PRXL2C: variants seen among roughly 807,000 people sequenced by gnomAD.
PRXL2C encodes peroxiredoxin-like 2C.
PRXL2C carries 38 observed loss-of-function variants against 24.9 expected under a neutral mutation model. The ratio of observed to expected loss-of-function variants is 1.53; its 90% CI spans 1.18 to 2.00. The LOEUF is 2.00. Ranked by LOEUF, PRXL2C falls within the 30% of genes most tolerant of loss-of-function variation. The probability of loss-of-function intolerance (pLI) is 0.00; values close to 1 mark genes in which losing one functional copy is unlikely to be tolerated. For synonymous variants in PRXL2C, 98 were observed against 117.2 expected (o/e 0.84, Z 1.06); for missense variants, 294 against 290.9 (o/e 1.01, Z -0.08).
At chr9:96,654,900 G>C (rs1201369315) in intron 1 of PRXL2C, 127 bp from the exon 2 acceptor site, 10 of 1,215,322 alleles carry the variant, frequency 8.2e-6, no homozygotes, top group African/African-American at 1.6e-5. Flanking sequence ...CCGGCGGCTC[G>C]GGCGCCCGGC....
At chr9:96,653,653 C>T (rs1848306327) in intron 2 of PRXL2C, among the ~76,000 whole-genome samples, 1 of 152,132 alleles carries the variant, frequency 6.6e-6, no homozygotes, top group South Asian at 2.1e-4. Flanking sequence ...AATCATTCCA[C>T]AACGTAAATG....
intron 5 of PRXL2C, among the ~76,000 whole-genome samples, chr9:96,642,184 TCAGA>T (rs1848126410): frequency 6.6e-6 from 1 of 152,092 alleles, no homozygotes; most frequent in South Asian, 2.1e-4. Context: ...AAATGTCCTG[TCAGA>T]CGGGCAGAAT....
Position 96,654,611 on chromosome 9 carries a change from G to C in PRXL2C, c.261+94C>G, listed in dbSNP as rs1389827003. 5 of 1,160,592 alleles carry C rather than the reference G, an allele frequency of 4.3e-6. No homozygotes were observed. The African/African-American group carries it at 7.8e-5, about 18-fold the overall frequency. 71.9% of individuals were successfully genotyped at this position (1,160,592 alleles called of 1,614,324 possible). A position where few individuals can be genotyped will look rare whatever the true frequency, so the allele number is the denominator to read the frequency against. On this transcript the variant is annotated intron_variant, in intron 2 of 5. Transcript: ENST00000375234. ...GAGAGCTGCGGGGAGGGGCAATCCA[G>C]GCTGCAAGTTCCGCGCTGGAGCCGC...
rs186772644 is a variant in PRXL2C, at chr9:96,644,062, G to A, written c.553+1831C>T. ...GCAGGAAAATCGCTTGATCCCGGGAGGCGGAGGTTGTAGTGAGCCGAGATT... is the reference window on the plus strand; with the variant it reads ...GCAGGAAAATCGCTTGATCCCGGGAAGCGGAGGTTGTAGTGAGCCGAGATT... On this transcript the variant is annotated intron_variant, in intron 5 of 5. Coordinates refer to ENST00000375234, the MANE Select transcript of PRXL2C (RefSeq NM_153698.2). Among the ~76,000 whole-genome samples the A allele has an allele frequency of 3.4e-3, 520 of 151,290 alleles. 10 individuals carry two copies. The highest frequency in any genetic ancestry group is 0.031 in the Admixed American group (465 of 15,168).
chr9:96,654,764 A>C lies in PRXL2C; in HGVS notation c.202T>G (p.Cys68Gly). 1.3e-6 allele frequency: 2 copies of C among 1,563,618 alleles called. No homozygotes were observed. The highest frequency in any genetic ancestry group is 1.7e-6 in the Non-Finnish European group (2 of 1,152,722). ...AVVVFVRHFLCYICKEYVEDL... is the reference protein window; with the variant it reads ...AVVVFVRHFLGYICKEYVEDL... ...TCTACGTATTCCTTGCAGATGTAAC[A>C]CAGGAAATGCTGAAAGCCAAAACGG... Residue 68 changes from cysteine (C) to glycine (G), a missense_variant, in exon 2 of 6, where the codon TGT (cysteine) becomes GGT (glycine). By Grantham distance (159) the Cys-to-Gly change is radical. Transcript: ENST00000375234.
intron 5 of PRXL2C, among the ~76,000 whole-genome samples, chr9:96,642,217 T>C (rs1459599862): frequency 1.3e-5 from 2 of 152,114 alleles, no homozygotes; most frequent in Non-Finnish European, 2.9e-5. Flanking sequence ...CACATAGATA[T>C]CAAGCTGGAA....
rs1045122076 is a variant in PRXL2C at position 96,641,685 on chromosome 9, C to T, written c.*74G>A. The T allele has an allele frequency of 2.4e-5, 34 of 1,431,256 alleles. No individual in the cohort carries two copies. Among genetic ancestry groups the T allele is most frequent in the Admixed American group, 1.2e-4 (6 of 51,342 alleles). 88.7% of individuals were successfully genotyped at this position (1,431,256 alleles called of 1,614,324 possible). A position where few individuals can be genotyped will look rare whatever the true frequency, so the allele number is the denominator to read the frequency against. On this transcript the variant is annotated 3_prime_UTR_variant, in exon 6 of 6. Coordinates refer to ENST00000375234, the MANE Select transcript of PRXL2C (RefSeq NM_153698.2). ...AAGGGACAGCAGGTTAGACACTGCA[C>T]GAGGATATTACACCCAGGCATTGAA...
rs1848115450 is a variant in PRXL2C, at chr9:96,641,537, G to A, written c.*222C>T. 3 of 342,598 alleles carry A rather than the reference G, an allele frequency of 8.8e-6. No homozygotes were observed. Among genetic ancestry groups the A allele is most frequent in the Middle Eastern group, 7.8e-4 (1 of 1,276 alleles). 21.2% of individuals were successfully genotyped at this position (342,598 alleles called of 1,614,324 possible). A position where few individuals can be genotyped will look rare whatever the true frequency, so the allele number is the denominator to read the frequency against. ...TATATTTTGTATATTCATTTTTTTT[G>A]TATAAAATGTTAAAAGTTATAAAAT... On this transcript the variant is annotated 3_prime_UTR_variant, in exon 6 of 6. Coordinates refer to ENST00000375234, the MANE Select transcript of PRXL2C (RefSeq NM_153698.2).
Position 96,654,768 on chromosome 9 carries a change from G to A in PRXL2C, c.198C>T (p.Phe66=). The change falls in exon 2 of 6, where the codon TTC becomes TTT. Residue 66 remains phenylalanine (F), a synonymous_variant. Transcript: ENST00000375234. ...RRAVVVFVRH[F]LCYICKEYVE... is the part of the protein sequence containing the mutation. Reference sequence around the variant, plus strand: ...CGTATTCCTTGCAGATGTAACACAGGAAATGCTGAAAGCCAAAACGGCAGA... The same window carrying A: ...CGTATTCCTTGCAGATGTAACACAGAAAATGCTGAAAGCCAAAACGGCAGA... The A allele has an allele frequency of 6.4e-7, 1 of 1,561,692 alleles. No individual in the cohort carries two copies. Among genetic ancestry groups the A allele is most frequent in the South Asian group, 1.2e-5 (1 of 84,612 alleles).
intron 4 of PRXL2C, among the ~76,000 whole-genome samples, chr9:96,647,079 C>T (rs912069510): frequency 6.6e-6 from 1 of 152,130 alleles, no homozygotes; most frequent in Non-Finnish European, 1.5e-5. Context: ...CATAAGCCAC[C>T]GCAGCCGGTC....
intron 4 of PRXL2C, among the ~76,000 whole-genome samples, chr9:96,648,430 A>G (rs1848224358): frequency 6.6e-6 from 1 of 151,948 alleles, no homozygotes; most frequent in African/African-American, 2.4e-5. Context: ...CTTCATCTTT[A>G]TTAAAATAGG....
intron 4 of PRXL2C, among the ~76,000 whole-genome samples, chr9:96,650,827 C>T (rs747459398): frequency 7.2e-6 from 1 of 138,362 alleles, no homozygotes; most frequent in East Asian, 1.9e-4. Context: ...CGTGCACACA[C>T]GATCTTTATG....
intron 2 of PRXL2C, among the ~76,000 whole-genome samples, chr9:96,652,958 T>C (rs1848289664): frequency 6.6e-6 from 1 of 152,256 alleles, no homozygotes; most frequent in Non-Finnish European, 1.5e-5. Context: ...CCGGGCGCGG[T>C]GGCTCACGCC....
At chr9:96,654,879 C>A (rs1429776511) in intron 1 of PRXL2C, 106 bp from the exon 2 acceptor site, 1 of 1,293,798 alleles carries the variant, frequency 7.7e-7, no homozygotes, top group South Asian at 1.5e-5. Flanking sequence ...GCGACGCCCG[C>A]GGGGCCGGGA....
intron 2 of PRXL2C, among the ~76,000 whole-genome samples, chr9:96,653,965 C>G (rs1453721935): frequency 1.3e-5 from 2 of 152,030 alleles, no homozygotes; most frequent in Non-Finnish European, 2.9e-5. Flanking sequence ...CTCAGCCTCC[C>G]GAGTAGCTGG....
In PRXL2C at chr9:96,640,642, A is replaced by T. The variant is rs1278563299; in HGVS notation, c.*1117T>A. 6.7e-6 allele frequency: 1 copy of T among 149,732 alleles called. No individual in the cohort carries two copies. Among genetic ancestry groups the T allele is most frequent in the African/African-American group, 2.5e-5 (1 of 40,490 alleles). The allele number at this position is 149,732 out of a possible 1,614,324, so 9.3% of individuals were successfully genotyped here. On this transcript the variant is annotated 3_prime_UTR_variant, in exon 6 of 6. Coordinates refer to ENST00000375234, the MANE Select transcript of PRXL2C (RefSeq NM_153698.2). The stretch of plus-strand genomic sequence containing the variant: ...GGAGGTCAAGACCATCCTGGCTGTT[A>T]TAACACAGTGAAACCCCGTCTCTAA...
In PRXL2C at chr9:96,648,380, C is replaced by A. The variant is rs922223098; in HGVS notation, c.422-2356G>T. Among the ~76,000 whole-genome samples, 22 of 152,204 alleles carry A rather than the reference C, an allele frequency of 1.4e-4. No homozygotes were observed. In the South Asian group the frequency reaches 4.6e-3, roughly 31 times the overall value. On this transcript the variant is annotated intron_variant, in intron 4 of 5. Coordinates refer to ENST00000375234, the MANE Select transcript of PRXL2C (RefSeq NM_153698.2). ...TTCCTGTTTTTCAGTCTTCTACAAA[C>A]CCAGTACTCCCTTGTATGTAATGGC...
At chr9:96,642,451 A>G (rs1245210041) in intron 5 of PRXL2C, among the ~76,000 whole-genome samples, 1 of 152,204 alleles carries the variant, frequency 6.6e-6, no homozygotes, top group African/African-American at 2.4e-5. Context: ...ATAATTTATA[A>G]TCATAAATTT....
intron 2 of PRXL2C, among the ~76,000 whole-genome samples, chr9:96,653,922 C>G (rs1019177720): frequency 1.1e-4 from 17 of 151,798 alleles, no homozygotes; most frequent in African/African-American, 3.6e-4. Flanking sequence ...CTCACTGCAA[C>G]CTCCGCCTCC....
Sources: gnomAD v4.1 joint callset for allele counts (sites outside exome capture counted in the v4.1 genomes callset) on GRCh38, gnomAD v4.1.1 for gene constraint, MANE v1.5 for transcripts, NCBI Gene and HGNC (gene_info 2026-07-23, HGNC 2026-07-21) for gene names.